Variants in DOCK8 observed in about 807,000 individuals in gnomAD.
DOCK8 encodes the protein dedicator of cytokinesis protein 8.
A neutral mutation model predicts 245.6 loss-of-function variants in DOCK8; 141 were observed. The observed-to-expected ratio is 0.57, with a 90% CI of 0.50 to 0.66. The LOEUF (loss-of-function observed/expected upper bound fraction) is 0.66. Ranked by LOEUF, DOCK8 falls within the 30% of genes least tolerant of loss-of-function variation. The pLI, the probability that DOCK8 is intolerant of heterozygous loss-of-function variation, is 0.00. For synonymous variants in DOCK8, 1,168 were observed against 970.2 expected (o/e 1.20, Z -3.79); for missense variants, 2,965 against 2,603.4 (o/e 1.14, Z -3.02).
At chr9:402,972 C>T (rs1479131697) in intron 26 of DOCK8, among the ~76,000 whole-genome samples, 1 of 152,222 alleles carries the variant, frequency 6.6e-6, no homozygotes, top group Non-Finnish European at 1.5e-5. Context: ...TCACTGCAAA[C>T]TCCGCCTCAC....
intron 14 of DOCK8, among the ~76,000 whole-genome samples, chr9:362,238 C>T (rs576897627): frequency 2.6e-5 from 4 of 152,318 alleles, no homozygotes; most frequent in East Asian, 3.9e-4. Context: ...CCGATGCATA[C>T]GCATTCTCAT....
intron 30 of DOCK8, among the ~76,000 whole-genome samples, chr9:418,861 G>A (rs895086277): frequency 4.0e-5 from 6 of 151,606 alleles, no homozygotes; most frequent in Admixed American, 6.6e-5. Context: ...GTCTATGTGT[G>A]TGTAATTCAT....
chr9:450,869 C>G (rs2057407708), intron 45 of DOCK8, among the ~76,000 whole-genome samples: 1 of 150,616 alleles, frequency 6.6e-6, no homozygotes, highest in Non-Finnish European at 1.5e-5. Context: ...TGATGTTTGC[C>G]ATGAAGGCAA....
intron 1 of DOCK8, among the ~76,000 whole-genome samples, chr9:243,417 G>A (rs1384163393): frequency 1.3e-5 from 2 of 152,294 alleles, no homozygotes; most frequent in Middle Eastern, 6.8e-3. Context: ...GGGACAGTGC[G>A]CTGCTGATCA....
chr9:452,373 A>G (rs2057496836), intron 46 of DOCK8: 5 of 262,926 alleles, frequency 1.9e-5, no homozygotes, highest in Non-Finnish European at 3.6e-5. Context: ...ACTAATGAGT[A>G]ACTAACACGT....
intron 35 of DOCK8, 44 bp downstream of exon 35, chr9:428,540 G>A: frequency 1.2e-6 from 2 of 1,611,360 alleles, no homozygotes; most frequent in Middle Eastern, 1.7e-4. Context: ...TTAAGAGTAA[G>A]ATTCTCATCT....
At position 345,570 on chromosome 9, in the gene DOCK8, T is replaced by C. The variant is rs138804536; in HGVS notation, c.1679+5249T>C. On this transcript the variant is annotated intron_variant, in intron 14 of 47. Coordinates refer to ENST00000432829, the MANE Select transcript of DOCK8 (RefSeq NM_203447.4). ...GATGAGGGTTTCAGCTGAATATTAC[T>C]TGAGTTGAACTCCAGTTATCTTTAC... 4.6e-5 allele frequency among the ~76,000 whole-genome samples: 7 copies of C among 152,326 alleles called. 1 individual carries two copies. In the East Asian group the frequency reaches 1.4e-3, roughly 29 times the overall value.
chr9:332,326 T>C, intron 9 of DOCK8, 72 bp from the exon 10 acceptor site: 2 of 1,041,450 alleles, frequency 1.9e-6, no homozygotes, highest in Non-Finnish European at 3.0e-6. Context: ...AAATGTAATT[T>C]TGATGGTTGC....
chr9:417,154 G>A (rs983750338), intron 29 of DOCK8, among the ~76,000 whole-genome samples: 5 of 152,150 alleles, frequency 3.3e-5, no homozygotes, highest in African/African-American at 1.2e-4. Context: ...AGTTAGCCAG[G>A]CGTGGTGGCG....
In DOCK8 at chr9:432,410, T is replaced by C. The variant is rs1334274641; in HGVS notation, c.4785+86T>C. The C allele has an allele frequency of 7.2e-6, 9 of 1,246,594 alleles. 1 individual carries two copies. The South Asian group carries it at 1.2e-4, about 16-fold the overall frequency. 77.2% of individuals were successfully genotyped at this position (1,246,594 alleles called of 1,614,324 possible). ...TGTATGTATGTACATATATACACAATTTATATATAAATATATAACATTTGC... is the reference window on the plus strand; with the variant it reads ...TGTATGTATGTACATATATACACAACTTATATATAAATATATAACATTTGC... On this transcript the variant is annotated intron_variant, in intron 37 of 47. Transcript: ENST00000432829.
At chr9:222,874 C>G (rs1010210256) in intron 1 of DOCK8, among the ~76,000 whole-genome samples, 1 of 152,216 alleles carries the variant, frequency 6.6e-6, no homozygotes, top group Middle Eastern at 3.2e-3. Context: ...GTAATCCAAT[C>G]TACCTCCTCC....
At position 312,115 on chromosome 9, in the gene DOCK8, G is replaced by T. The variant is rs1318575390; in HGVS notation, c.690G>T (p.Arg230=). 1.9e-6 allele frequency: 3 copies of T among 1,614,116 alleles called. No homozygotes were observed. In the African/African-American group the frequency reaches 4.0e-5, roughly 22 times the overall value. ...TTGAGAAGCAGAACGAGGAGGCCCGGAGGACCAATAGGCAGGCCGAGCTCT... is the reference window on the plus strand; with the variant it reads ...TTGAGAAGCAGAACGAGGAGGCCCGTAGGACCAATAGGCAGGCCGAGCTCT... ...EDFEKQNEEA[R]RTNRQAELFA... The change falls in exon 6 of 48, where the codon CGG becomes CGT. Residue 230 remains arginine, a synonymous_variant. Transcript: ENST00000432829.
intron 1 of DOCK8, among the ~76,000 whole-genome samples, chr9:240,034 G>A (rs774986707): frequency 2.2e-4 from 33 of 152,092 alleles, no homozygotes; most frequent in Non-Finnish European, 4.1e-4. Flanking sequence ...GATTCTTCAC[G>A]ATAAATGCTA....
intron 1 of DOCK8, among the ~76,000 whole-genome samples, chr9:243,033 T>C (rs1409164839): frequency 1.3e-5 from 2 of 152,172 alleles, no homozygotes; most frequent in African/African-American, 4.8e-5. Context: ...TGACTTGATT[T>C]TTCTCTGAAA....
At chr9:221,979 C>T (rs545436207) in intron 1 of DOCK8, among the ~76,000 whole-genome samples, 1 of 151,986 alleles carries the variant, frequency 6.6e-6, no homozygotes, top group Non-Finnish European at 1.5e-5. Context: ...CCAGGCTGGG[C>T]ACAGTGGCTC....
chr9:425,150 T>A, intron 33 of DOCK8, among the ~76,000 whole-genome samples: 1 of 152,182 alleles, frequency 6.6e-6, no homozygotes, highest in East Asian at 1.9e-4. Context: ...GTTACCACAA[T>A]ATATAAAATG....
intron 4 of DOCK8, among the ~76,000 whole-genome samples, chr9:302,669 A>G (rs541557307): frequency 5.3e-5 from 8 of 152,226 alleles, no homozygotes; most frequent in Non-Finnish European, 1.0e-4. Flanking sequence ...AAACCACCCC[A>G]TTTAAAAATG....
intron 8 of DOCK8, among the ~76,000 whole-genome samples, chr9:326,608 A>G (rs1384801652): frequency 1.3e-5 from 2 of 152,238 alleles, no homozygotes; most frequent in African/African-American, 4.8e-5. Context: ...CCGCTGGCCT[A>G]TAAGCAAGAA....
chr9:363,681 T>C (rs188858160), intron 14 of DOCK8, among the ~76,000 whole-genome samples: 1 of 152,292 alleles, frequency 6.6e-6, no homozygotes, highest in Admixed American at 6.5e-5. Flanking sequence ...AATGGGATGT[T>C]GGACCAAATT....
Sources: gnomAD v4.1 joint callset for allele counts (sites outside exome capture counted in the v4.1 genomes callset) on GRCh38, gnomAD v4.1.1 for gene constraint, MANE v1.5 for transcripts, NCBI Gene and HGNC (gene_info 2026-07-23, HGNC 2026-07-21) for gene names.